Variants in PCDHA13 observed in about 807,000 individuals in gnomAD.
PCDHA13 encodes protocadherin alpha-13.
PCDHA13 carries 54 observed loss-of-function variants against 64.8 expected under a neutral mutation model. The ratio of observed to expected loss-of-function variants is 0.83; its 90% CI spans 0.67 to 1.04. PCDHA13 has a LOEUF of 1.04. Among genes scored for constraint, PCDHA13 ranks in the 50% least tolerant of loss-of-function variants. PCDHA13 has a pLI of 0.00. For missense variants in PCDHA13, 1,248 were observed against 1,254.3 expected (o/e 0.99, Z 0.08); for synonymous variants, 587 against 564.4 (o/e 1.04, Z -0.57).
intron 1 of PCDHA13, among the ~76,000 whole-genome samples, chr5:140,942,794 A>C (rs782783696): frequency 2.6e-4 from 39 of 152,326 alleles, no homozygotes; most frequent in Middle Eastern, 3.4e-3. Flanking sequence ...TTACAAAGGC[A>C]TGTTTTCCAC....
At chr5:140,969,057 T>G in intron 1 of PCDHA13, 2 of 1,614,162 alleles carry the variant, frequency 1.2e-6, no homozygotes, top group Non-Finnish European at 1.7e-6. Context: ...AACAACAATA[T>G]TGATGCCAGG....
chr5:140,923,951 G>A (rs763582377), intron 1 of PCDHA13, among the ~76,000 whole-genome samples: 4 of 151,984 alleles, frequency 2.6e-5, no homozygotes, highest in Non-Finnish European at 2.9e-5. Context: ...TTTTCCTCAC[G>A]CCCTAATCTA....
intron 1 of PCDHA13, among the ~76,000 whole-genome samples, chr5:140,960,936 T>G (rs1198055000): frequency 6.6e-6 from 1 of 152,210 alleles, no homozygotes. Flanking sequence ...CTAAGTTTAG[T>G]GAATTAGAAA....
In PCDHA13 at chr5:140,984,045, T is replaced by C. The variant is rs77384794; in HGVS notation, c.2542+1482T>C. Among the ~76,000 whole-genome samples, 455 of 152,316 alleles carry C rather than the reference T, an allele frequency of 3.0e-3. 7 individuals carry two copies. In the East Asian group the frequency reaches 0.044, roughly 15 times the overall value. On this transcript the variant is annotated intron_variant, in intron 3 of 3. Transcript: ENST00000289272. ...AAGGGGAAAAACATAAAATAGTTCA[T>C]TGACAAATCTGTACCCTCAGTGCCA... is the stretch of plus-strand genomic sequence containing the variant.
Position 140,959,365 on chromosome 5 carries a change from C to A in PCDHA13, c.2395-19584C>A, listed in dbSNP as rs77362755. On this transcript the variant is annotated intron_variant, in intron 1 of 3. Transcript: ENST00000289272. ...ACTCCAGCGGGACAACTGAGTGAGA[C>A]CCTGTCTCAAAAAAAAAAGTCACAA... Among the ~76,000 whole-genome samples the A allele has an allele frequency of 1.0e-3, 158 of 151,880 alleles. 5 individuals carry two copies. In the East Asian group the frequency reaches 0.028, roughly 27 times the overall value.
intron 1 of PCDHA13, among the ~76,000 whole-genome samples, chr5:140,891,408 C>G (rs1341322877): frequency 2.0e-5 from 3 of 147,046 alleles, no homozygotes; most frequent in Admixed American, 6.8e-5. Flanking sequence ...TCGCCACCCC[C>G]CACTCTTGCC....
chr5:140,924,436 A>T (rs2153572390), intron 1 of PCDHA13, among the ~76,000 whole-genome samples: 1 of 152,318 alleles, frequency 6.6e-6, no homozygotes, highest in East Asian at 1.9e-4. Context: ...CCTAGAAGAG[A>T]TAACGAATGG....
chr5:140,954,284 C>G (rs1719232084), intron 1 of PCDHA13, among the ~76,000 whole-genome samples: 1 of 152,158 alleles, frequency 6.6e-6, no homozygotes, highest in South Asian at 2.1e-4. Context: ...ATTTATATTC[C>G]TTTGGGTACA....
chr5:140,973,936 G>A (rs2096608372), intron 1 of PCDHA13, among the ~76,000 whole-genome samples: 1 of 152,334 alleles, frequency 6.6e-6, no homozygotes, highest in Admixed American at 6.5e-5. Context: ...AGGTTTAGCT[G>A]AATATGATGG....
At chr5:140,892,136 G>T (rs1441807118) in intron 1 of PCDHA13, among the ~76,000 whole-genome samples, 1 of 152,254 alleles carries the variant, frequency 6.6e-6, no homozygotes, top group East Asian at 1.9e-4. Flanking sequence ...TAAGCTCATG[G>T]TTTTAGCGTC....
At chr5:140,913,003 T>C (rs1049022016) in intron 1 of PCDHA13, among the ~76,000 whole-genome samples, 29 of 152,204 alleles carry the variant, frequency 1.9e-4, no homozygotes, top group African/African-American at 7.0e-4. Flanking sequence ...TAGTATTTTG[T>C]TGAGGATTTT....
At chr5:140,927,033 G>T in intron 1 of PCDHA13, 1 of 1,612,344 alleles carries the variant, frequency 6.2e-7, no homozygotes, top group Non-Finnish European at 8.5e-7. Context: ...GGCTGCCAGC[G>T]GCCGCTATGT....
intron 3 of PCDHA13, among the ~76,000 whole-genome samples, chr5:140,993,183 A>C (rs551464442): frequency 2.7e-4 from 41 of 152,298 alleles, no homozygotes; most frequent in Non-Finnish European, 5.0e-4. Flanking sequence ...ATTTCTTTAG[A>C]GGGAAACTCA....
At chr5:140,962,601 C>T (rs1227208523) in intron 1 of PCDHA13, among the ~76,000 whole-genome samples, 1 of 152,160 alleles carries the variant, frequency 6.6e-6, no homozygotes, top group African/African-American at 2.4e-5. Context: ...TGATATATTT[C>T]TTCTGGAGGA....
At chr5:140,923,304 G>T (rs933906504) in intron 1 of PCDHA13, among the ~76,000 whole-genome samples, 2 of 152,172 alleles carry the variant, frequency 1.3e-5, no homozygotes, top group East Asian at 3.9e-4. Context: ...TGGGCGTGGG[G>T]GCGCTTGGCC....
chr5:140,997,221 T>C (rs2097763900), intron 3 of PCDHA13, among the ~76,000 whole-genome samples: 1 of 152,152 alleles, frequency 6.6e-6, no homozygotes, highest in Admixed American at 6.5e-5. Context: ...GAAACTATCA[T>C]TACCACCCAA....
At chr5:141,005,594 C>T (rs534928198) in intron 3 of PCDHA13, among the ~76,000 whole-genome samples, 10 of 147,680 alleles carry the variant, frequency 6.8e-5, no homozygotes, top group African/African-American at 1.8e-4. Flanking sequence ...CCCAGCTACA[C>T]AGGAGGCTGA....
chr5:140,989,403 G>A (rs1327699534), intron 3 of PCDHA13, among the ~76,000 whole-genome samples: 4 of 152,182 alleles, frequency 2.6e-5, no homozygotes, highest in African/African-American at 9.7e-5. Context: ...GGAGGGTGGA[G>A]AGTCTGCACT....
intron 1 of PCDHA13, chr5:140,968,020 C>T: frequency 1.2e-6 from 2 of 1,614,202 alleles, no homozygotes; most frequent in Non-Finnish European, 1.7e-6. Flanking sequence ...TTGGAAACTC[C>T]TATACACTGG....
Sources: gnomAD v4.1 joint callset for allele counts (sites outside exome capture counted in the v4.1 genomes callset) on GRCh38, gnomAD v4.1.1 for gene constraint, MANE v1.5 for transcripts, NCBI Gene and HGNC (gene_info 2026-07-23, HGNC 2026-07-21) for gene names.